GPC5: variants seen among roughly 807,000 people sequenced by gnomAD.
GPC5 encodes the protein glypican-5.
Under a neutral mutation model 53.9 loss-of-function variants are expected in GPC5, and 47 were observed. That is an observed-to-expected ratio of 0.87 (90% CI 0.69 to 1.11). GPC5 has a LOEUF of 1.11. GPC5 is among the 50% of genes most tolerant of loss of function. GPC5 has a pLI of 0.00. For missense variants in GPC5, 748 were observed against 713.1 expected, an observed-to-expected ratio of 1.05 and a Z score of -0.56; for synonymous variants, 286 against 263.3, an observed-to-expected ratio of 1.09 and a Z score of -0.84.
chr13:92,084,598 T>C (rs151273564), intron 6 of GPC5, among the ~76,000 whole-genome samples: 135 of 152,292 alleles, frequency 8.9e-4, no homozygotes, highest in Non-Finnish European at 1.4e-3. Context: ...CCAGTTAGCA[T>C]GTTGAGATGT....
At chr13:92,599,267 C>T (rs528490460) in intron 7 of GPC5, among the ~76,000 whole-genome samples, 2 of 152,226 alleles carry the variant, frequency 1.3e-5, no homozygotes, top group South Asian at 4.1e-4. Context: ...GGTAAATATG[C>T]ACCTGAACTA....
At chr13:91,671,779 G>GC (rs1290043443) in intron 2 of GPC5, among the ~76,000 whole-genome samples, 914 of 24,974 alleles carry the variant, frequency 0.037, 6 homozygotes, top group Non-Finnish European at 0.056. Context: ...ACAATCTGAA[G>GC]CAAAAAAAAA....
intron 6 of GPC5, among the ~76,000 whole-genome samples, chr13:92,127,136 T>C (rs1402415325): frequency 1.3e-5 from 2 of 152,174 alleles, no homozygotes; most frequent in African/African-American, 4.8e-5. Flanking sequence ...CTAGGAAAGT[T>C]TGAGGAAACA....
chr13:91,813,935 T>C (rs1380797640), intron 5 of GPC5, among the ~76,000 whole-genome samples: 2 of 132,788 alleles, frequency 1.5e-5, no homozygotes, highest in Non-Finnish European at 3.2e-5. Context: ...TTTTTTTTTT[T>C]TTTTTTTTTT....
At chr13:92,740,734 A>T (rs1219742283) in intron 7 of GPC5, among the ~76,000 whole-genome samples, 1 of 151,884 alleles carries the variant, frequency 6.6e-6, no homozygotes. Context: ...CATAATAAGC[A>T]AAGAACCAAG....
At chr13:92,352,577 A>G (rs996967127) in intron 7 of GPC5, among the ~76,000 whole-genome samples, 3 of 152,146 alleles carry the variant, frequency 2.0e-5, no homozygotes, top group African/African-American at 7.2e-5. Flanking sequence ...AGAAATAAAA[A>G]CACATGTGGT....
chr13:91,916,001 G>A (rs902750852), intron 6 of GPC5, among the ~76,000 whole-genome samples: 7 of 152,166 alleles, frequency 4.6e-5, no homozygotes, highest in Non-Finnish European at 1.0e-4. Flanking sequence ...CTACCATATA[G>A]TAATGTGCTA....
At chr13:92,539,230 C>T (rs1409908583) in intron 7 of GPC5, among the ~76,000 whole-genome samples, 1 of 151,496 alleles carries the variant, frequency 6.6e-6, no homozygotes, top group East Asian at 2.0e-4. Context: ...GTTCTAGATC[C>T]TTGAGGAATC....
chr13:92,824,758 A>ATG (rs1225999239), intron 7 of GPC5, among the ~76,000 whole-genome samples: 3 of 151,926 alleles, frequency 2.0e-5, no homozygotes, highest in Non-Finnish European at 4.4e-5. Context: ...ACAGCATAAT[A>ATG]TGTATATACT....
intron 7 of GPC5, among the ~76,000 whole-genome samples, chr13:92,412,993 T>G (rs1199651487): frequency 6.6e-6 from 1 of 152,220 alleles, no homozygotes; most frequent in Admixed American, 6.5e-5. Context: ...ATTTAAAATA[T>G]GATTTGCATT....
At chr13:92,819,269 T>C (rs1877594037) in intron 7 of GPC5, among the ~76,000 whole-genome samples, 1 of 149,560 alleles carries the variant, frequency 6.7e-6, no homozygotes. Context: ...ACCTAGCACA[T>C]ACTTAAATGA....
At chr13:92,124,208 C>T (rs1412980799) in intron 6 of GPC5, among the ~76,000 whole-genome samples, 1 of 139,306 alleles carries the variant, frequency 7.2e-6, no homozygotes, top group Non-Finnish European at 1.5e-5. Flanking sequence ...CAATAATCTG[C>T]CAGAATTATC....
chr13:92,612,605 T>A (rs1161073646), intron 7 of GPC5, among the ~76,000 whole-genome samples: 1 of 152,116 alleles, frequency 6.6e-6, no homozygotes, highest in Non-Finnish European at 1.5e-5. Context: ...AAGACAAACA[T>A]ACACAACTTC....
At chr13:91,458,135 A>G (rs921104196) in intron 2 of GPC5, among the ~76,000 whole-genome samples, 7 of 152,080 alleles carry the variant, frequency 4.6e-5, no homozygotes, top group African/African-American at 1.7e-4. Flanking sequence ...TGAAGGAGTT[A>G]GTCATGTGGA....
At chr13:92,420,370 G>A (rs1457479439) in intron 7 of GPC5, among the ~76,000 whole-genome samples, 1 of 151,238 alleles carries the variant, frequency 6.6e-6, no homozygotes, top group Admixed American at 6.6e-5. Flanking sequence ...TAATTTTTGT[G>A]GATACATAGT....
Position 92,624,870 on chromosome 13 carries a change from G to A in GPC5, c.1562-241412G>A, listed in dbSNP as rs141751611. Among the ~76,000 whole-genome samples the A allele has an allele frequency of 3.0e-4, 45 of 152,278 alleles. 1 individual carries two copies. In the East Asian group the frequency reaches 6.6e-3, roughly 22 times the overall value. ...GGCTTACTATGCAAATATCCTTCACGAGGTAGTCTAAAGGGCAGTCAGTGT... is the reference window on the plus strand; with the variant it reads ...GGCTTACTATGCAAATATCCTTCACAAGGTAGTCTAAAGGGCAGTCAGTGT... On this transcript the variant is annotated intron_variant, in intron 7 of 7. Transcript: ENST00000377067.
Position 92,270,468 on chromosome 13 carries a change from C to A in GPC5, c.1561+125479C>A, listed in dbSNP as rs1270822960. On this transcript the variant is annotated intron_variant, in intron 7 of 7. Coordinates refer to ENST00000377067, the MANE Select transcript of GPC5 (RefSeq NM_004466.6). ...TGCTGGCTCCCCCTTCACTTTCTGC[C>A]GTGATTGTAAGTTTGTGGAGGTCTC... 7.2e-5 allele frequency among the ~76,000 whole-genome samples: 11 copies of A among 152,234 alleles called. No homozygotes were observed. In the East Asian group the frequency reaches 1.5e-3, roughly 21 times the overall value.
intron 6 of GPC5, among the ~76,000 whole-genome samples, chr13:91,986,866 A>G (rs1313954610): frequency 7.1e-6 from 1 of 141,102 alleles, no homozygotes; most frequent in Non-Finnish European, 1.6e-5. Context: ...TGTTTAAGCC[A>G]GAGCTAATTT....
chr13:92,674,498 G>T (rs1342908834), intron 7 of GPC5, among the ~76,000 whole-genome samples: 5 of 151,828 alleles, frequency 3.3e-5, no homozygotes, highest in African/African-American at 4.8e-5. Flanking sequence ...TTTCCATGTG[G>T]CAGGGAAATA....
Sources: gnomAD v4.1 joint callset for allele counts (sites outside exome capture counted in the v4.1 genomes callset) on GRCh38, gnomAD v4.1.1 for gene constraint, MANE v1.5 for transcripts, NCBI Gene and HGNC (gene_info 2026-07-23, HGNC 2026-07-21) for gene names.